The following CTNND2 variants were observed in gnomAD, a reference collection of about 807,000 sequenced individuals.
CTNND2 encodes the protein catenin delta 2, also known as catenin delta-2.
In CTNND2, 22 loss-of-function variants were observed where a neutral mutation model predicts 144.4. The observed-to-expected ratio is 0.15, with a 90% CI of 0.11 to 0.22. The LOEUF is 0.22. Ranked by LOEUF, CTNND2 falls within the 10% of genes least tolerant of loss-of-function variation. The pLI, the probability that CTNND2 is intolerant of heterozygous loss-of-function variation, is 1.00. For missense variants in CTNND2, 1,353 were observed against 1,618.8 expected (o/e 0.84, Z 2.82); for synonymous variants, 751 against 695.6 (o/e 1.08, Z -1.25).
chr5:11,898,925 G>A (rs1298048583), intron 1 of CTNND2, among the ~76,000 whole-genome samples: 1 of 152,114 alleles, frequency 6.6e-6, no homozygotes, highest in African/African-American at 2.4e-5. Context: ...TTATGTTGCT[G>A]AAGATCACAG....
intron 16 of CTNND2, among the ~76,000 whole-genome samples, chr5:11,076,124 A>AT (rs1359454907): frequency 6.6e-6 from 1 of 152,242 alleles, no homozygotes; most frequent in Non-Finnish European, 1.5e-5. Flanking sequence ...CACAAAAAAC[A>AT]TAAGAGACAA....
chr5:11,470,047 C>T (rs1358706349), intron 3 of CTNND2, among the ~76,000 whole-genome samples: 1 of 152,164 alleles, frequency 6.6e-6, no homozygotes, highest in Admixed American at 6.5e-5. Flanking sequence ...CTTAGTACAG[C>T]ATATAATAAT....
chr5:11,658,117 A>T (rs900950019), intron 2 of CTNND2, among the ~76,000 whole-genome samples: 6 of 152,248 alleles, frequency 3.9e-5, no homozygotes, highest in African/African-American at 1.4e-4. Flanking sequence ...TTTCCTGAAA[A>T]CCTATATTCA....
At chr5:11,638,605 G>A (rs921310322) in intron 2 of CTNND2, among the ~76,000 whole-genome samples, 1 of 152,054 alleles carries the variant, frequency 6.6e-6, no homozygotes, top group South Asian at 2.1e-4. Context: ...CACTACTCTT[G>A]CTCTGTCACC....
At chr5:11,597,507 C>T (rs1269602847) in intron 2 of CTNND2, among the ~76,000 whole-genome samples, 1 of 150,656 alleles carries the variant, frequency 6.6e-6, no homozygotes, top group Non-Finnish European at 1.5e-5. Flanking sequence ...ATTTCTTGCT[C>T]TAAGCTTACA....
chr5:11,445,702 A>G (rs1764736222), intron 3 of CTNND2, among the ~76,000 whole-genome samples: 1 of 152,268 alleles, frequency 6.6e-6, no homozygotes. Flanking sequence ...CACAGGGAGG[A>G]AATTTTGACA....
At chr5:11,687,276 C>A (rs1318945920) in intron 2 of CTNND2, among the ~76,000 whole-genome samples, 1 of 152,216 alleles carries the variant, frequency 6.6e-6, no homozygotes, top group East Asian at 1.9e-4. Flanking sequence ...GTCACATGTA[C>A]CCAACTGCAT....
At chr5:11,088,078 GTTTT>G (rs545533223) in intron 15 of CTNND2, among the ~76,000 whole-genome samples, 1 of 152,148 alleles carries the variant, frequency 6.6e-6, no homozygotes, top group Non-Finnish European at 1.5e-5. Flanking sequence ...ACATGAAAAG[GTTTT>G]TTGTTTGTTT....
intron 9 of CTNND2, among the ~76,000 whole-genome samples, chr5:11,317,885 G>T (rs920643386): frequency 2.0e-5 from 3 of 152,188 alleles, no homozygotes; most frequent in Non-Finnish European, 2.9e-5. Flanking sequence ...CTGAAAGGGT[G>T]CAGGGCTTCA....
At chr5:11,458,920 C>T (rs919303678) in intron 3 of CTNND2, among the ~76,000 whole-genome samples, 2 of 151,238 alleles carry the variant, frequency 1.3e-5, no homozygotes, top group East Asian at 3.9e-4. Flanking sequence ...GCACCACCAC[C>T]ACGACTGTTT....
At chr5:11,165,152 C>T (rs1759185373) in intron 11 of CTNND2, among the ~76,000 whole-genome samples, 1 of 152,096 alleles carries the variant, frequency 6.6e-6, no homozygotes, top group African/African-American at 2.4e-5. Context: ...ATAATAAATC[C>T]AAACAAGAAT....
At chr5:11,777,774 C>A (rs922564720) in intron 1 of CTNND2, among the ~76,000 whole-genome samples, 3 of 152,132 alleles carry the variant, frequency 2.0e-5, no homozygotes, top group Non-Finnish European at 4.4e-5. Context: ...CCCTGGAGAA[C>A]TGGTAAAAAA....
At chr5:11,620,476 C>A (rs1435962920) in intron 2 of CTNND2, among the ~76,000 whole-genome samples, 1 of 152,180 alleles carries the variant, frequency 6.6e-6, no homozygotes, top group Non-Finnish European at 1.5e-5. Context: ...GTTTACCCAG[C>A]CTTATTCTTC....
chr5:11,372,818 G>C (rs1757584964), intron 7 of CTNND2, among the ~76,000 whole-genome samples: 1 of 152,190 alleles, frequency 6.6e-6, no homozygotes, highest in African/African-American at 2.4e-5. Flanking sequence ...TGGCGCTGCT[G>C]GTCCACGGAC....
intron 15 of CTNND2, among the ~76,000 whole-genome samples, chr5:11,084,931 C>T (rs937080048): frequency 6.6e-6 from 1 of 152,112 alleles, no homozygotes; most frequent in Non-Finnish European, 1.5e-5. Flanking sequence ...ATCATCTCAT[C>T]CCCTCTCCTT....
intron 1 of CTNND2, among the ~76,000 whole-genome samples, chr5:11,772,396 T>A (rs997909534): frequency 1.3e-5 from 2 of 152,180 alleles, no homozygotes; most frequent in Admixed American, 1.3e-4. Context: ...AACAATAATA[T>A]GAAATTTAGA....
intron 3 of CTNND2, among the ~76,000 whole-genome samples, chr5:11,521,784 C>A (rs1561509234): frequency 6.6e-6 from 1 of 152,160 alleles, no homozygotes; most frequent in African/African-American, 2.4e-5. Context: ...ACAATCGATG[C>A]TCGTTGAGTG....
In CTNND2 at chr5:11,641,730, G is replaced by A. The variant is rs1307436790; in HGVS notation, c.175-76674C>T. Among the ~76,000 whole-genome samples, 38 of 40,326 alleles carry A rather than the reference G, an allele frequency of 9.4e-4. 1 individual carries two copies. The highest frequency in any genetic ancestry group is 2.7e-3 in the African/African-American group (38 of 13,864). 26.5% of individuals were successfully genotyped at this position (40,326 alleles called of 152,430 possible). ...TACGTGTGTGTATACATATACGTGT[G>A]TGTATATACATATACGTGTGTATGT... On this transcript the variant is annotated intron_variant, in intron 2 of 21. Coordinates refer to ENST00000304623, the MANE Select transcript of CTNND2 (RefSeq NM_001332.4).
intron 8 of CTNND2, among the ~76,000 whole-genome samples, 179 bp from the exon 9 acceptor site, chr5:11,346,806 T>A (rs1754840130): frequency 6.6e-6 from 1 of 152,212 alleles, no homozygotes; most frequent in South Asian, 2.1e-4. Flanking sequence ...AGTCAAATGA[T>A]AATTAGCATG....
Sources: allele counts gnomAD v4.1 joint callset (sites outside exome capture counted in the v4.1 genomes callset), GRCh38; gene constraint gnomAD v4.1.1; transcripts MANE v1.5; gene names NCBI Gene and HGNC (gene_info 2026-07-23, HGNC 2026-07-21).